ATP6V1B2: variants seen among roughly 807,000 people sequenced by gnomAD.
The protein encoded by ATP6V1B2 is ATPase H+ transporting V1 subunit B2.
A neutral mutation model predicts 66.7 loss-of-function variants in ATP6V1B2; 23 were observed. That is an observed-to-expected ratio of 0.34 (90% CI 0.25 to 0.49). The LOEUF is 0.49. Ranked by LOEUF, ATP6V1B2 falls within the 20% of genes least tolerant of loss-of-function variation. The pLI is 0.99. For synonymous variants in ATP6V1B2, 278 were observed against 236.7 expected, an observed-to-expected ratio of 1.17 and a Z score of -1.60; for missense variants, 478 against 650.8, an observed-to-expected ratio of 0.73 and a Z score of 2.89.
intron 10 of ATP6V1B2, 39 bp from the exon 11 acceptor site, chr8:20,216,374 A>G (rs762798378): frequency 1.9e-6 from 3 of 1,570,554 alleles, no homozygotes; most frequent in Non-Finnish European, 2.6e-6. Context: ...TCATAACCTA[A>G]AGATGCCATG....
intron 1 of ATP6V1B2, among the ~76,000 whole-genome samples, 188 bp from the exon 2 acceptor site, chr8:20,204,296 A>G (rs1028694249): frequency 6.6e-6 from 1 of 152,234 alleles, no homozygotes; most frequent in East Asian, 1.9e-4. Flanking sequence ...GTTGGATGAC[A>G]GTGGATTATG....
intron 3 of ATP6V1B2, 32 bp from the exon 4 acceptor site, chr8:20,210,314 C>T (rs111260390): frequency 1.3e-6 from 2 of 1,564,546 alleles, no homozygotes; most frequent in East Asian, 4.5e-5. Context: ...TAAATTACTT[C>T]TACCCTTCTC....
rs2072637666 is a variant in ATP6V1B2, at chr8:20,197,397, A to G, written c.-10A>G. The G allele has an allele frequency of 2.0e-6, 3 of 1,531,412 alleles. No individual in the cohort carries two copies. Among genetic ancestry groups the G allele is most frequent in the East Asian group, 2.7e-5 (1 of 36,794 alleles). 94.9% of individuals were successfully genotyped at this position (1,531,412 alleles called of 1,614,324 possible). A position where few individuals can be genotyped will look rare whatever the true frequency, so the allele number is the denominator to read the frequency against. Reference sequence around the variant, plus strand: ...GTCGCTGCTGGGCCAGTCGGGACAGAGGAGACAAGATGGCGCTGCGGGCGA... The same window carrying G: ...GTCGCTGCTGGGCCAGTCGGGACAGGGGAGACAAGATGGCGCTGCGGGCGA... On this transcript the variant is annotated 5_prime_UTR_variant, in exon 1 of 14. Coordinates refer to ENST00000276390, the MANE Select transcript of ATP6V1B2 (RefSeq NM_001693.4).
chr8:20,202,256 A>T (rs1156313776), intron 1 of ATP6V1B2, among the ~76,000 whole-genome samples: 2 of 152,192 alleles, frequency 1.3e-5, no homozygotes, highest in Non-Finnish European at 2.9e-5. Flanking sequence ...TAGTAGAGTC[A>T]AAGAATAAGT....
intron 2 of ATP6V1B2, 65 bp from the exon 3 acceptor site, chr8:20,209,368 C>T: frequency 1.4e-6 from 2 of 1,450,702 alleles, no homozygotes; most frequent in Non-Finnish European, 1.9e-6. Flanking sequence ...AGAGACAGAG[C>T]ATGTGTAGTA....
Position 20,210,660 on chromosome 8 carries a change from A to C in ATP6V1B2, c.463+14A>C. The C allele has an allele frequency of 6.2e-7, 1 of 1,604,656 alleles. No homozygotes were observed. On this transcript the variant is annotated intron_variant, in intron 5 of 13. Coordinates refer to ENST00000276390, the MANE Select transcript of ATP6V1B2 (RefSeq NM_001693.4). ...TTGATATCATGGGTAGGTACAGTAGATGGATTGCTGTGTTTGGGAGAAAAT... is the reference window on the plus strand; with the variant it reads ...TTGATATCATGGGTAGGTACAGTAGCTGGATTGCTGTGTTTGGGAGAAAAT...
rs2072891720 is a variant in ATP6V1B2, at chr8:20,219,940, A to G, written c.1397-323A>G. Among the ~76,000 whole-genome samples, 3 of 152,122 alleles carry G rather than the reference A, an allele frequency of 2.0e-5. No homozygotes were observed. The East Asian group carries it at 5.8e-4, about 29-fold the overall frequency. ...CTGTGCTAGGGAGACTTTTCTTACTAATCTCTGGACAAAACATTGATTCTA... is the reference window on the plus strand; with the variant it reads ...CTGTGCTAGGGAGACTTTTCTTACTGATCTCTGGACAAAACATTGATTCTA... On this transcript the variant is annotated intron_variant, in intron 13 of 13. Transcript: ENST00000276390.
intron 1 of ATP6V1B2, 33 bp from the exon 2 acceptor site, chr8:20,204,451 G>C (rs751941103): frequency 2.5e-6 from 4 of 1,588,376 alleles, no homozygotes; most frequent in Non-Finnish European, 3.5e-6. Flanking sequence ...TGTGCTATTT[G>C]ACTAAAACTG....
chr8:20,218,635 C>A (rs375047530), intron 13 of ATP6V1B2, among the ~76,000 whole-genome samples: 1 of 152,174 alleles, frequency 6.6e-6, no homozygotes, highest in African/African-American at 2.4e-5. Flanking sequence ...TTGGGACTTT[C>A]CTGATTCATC....
chr8:20,210,647 G>T lies in ATP6V1B2; in HGVS notation c.463+1G>T, dbSNP rs1456546383. 1 of 1,610,474 alleles carries T rather than the reference G, an allele frequency of 6.2e-7. No homozygotes were observed. Among genetic ancestry groups the T allele is most frequent in the Non-Finnish European group, 8.5e-7 (1 of 1,176,744 alleles). On this transcript the variant is annotated splice_donor_variant, in intron 5 of 13. Transcript: ENST00000276390. LOFTEE classifies it high-confidence loss of function. ...GCCGAAGACTTCCTTGATATCATGG[G>T]TAGGTACAGTAGATGGATTGCTGTG...
Position 20,212,123 on chromosome 8 carries a change from T to C in ATP6V1B2, c.727T>C (p.Phe243Leu). The change falls in exon 8 of 14, where the codon TTC becomes CTC. Residue 243 changes from phenylalanine (F) to leucine (L), a missense_variant. Phe to Leu is a conservative substitution (Grantham distance 22, BLOSUM62 0). Around this residue, in one of 2 missense-constraint regions of ATP6V1B2, gnomAD observed 326 missense variants for 545.6 expected, o/e 0.60. Transcript: ENST00000276390. ...AMGVNMETARFFKSDFEENGS... is the reference protein window; with the variant it reads ...AMGVNMETARLFKSDFEENGS... ...TTAGGTAAACATGGAAACTGCCCGG[T>C]TCTTCAAATCTGACTTTGAAGAAAA... 1 of 1,613,598 alleles carries C rather than the reference T, an allele frequency of 6.2e-7. No homozygotes were observed. Among genetic ancestry groups the C allele is most frequent in the South Asian group, 1.1e-5 (1 of 91,072 alleles).
chr8:20,208,669 C>T (rs960883954), intron 2 of ATP6V1B2, among the ~76,000 whole-genome samples: 4 of 150,606 alleles, frequency 2.7e-5, no homozygotes, highest in African/African-American at 9.8e-5. Context: ...GAGACTTAAG[C>T]ATTATCTTAT....
chr8:20,213,707 A>G (rs1489876568), intron 9 of ATP6V1B2: 2 of 152,172 alleles, frequency 1.3e-5, no homozygotes, highest in African/African-American at 2.4e-5. Flanking sequence ...GTTCAGTAAT[A>G]CAAATTACTG....
chr8:20,209,107 A>G (rs11778205), intron 2 of ATP6V1B2, among the ~76,000 whole-genome samples: 61,099 of 152,002 alleles, frequency 0.4, 13,409 homozygotes, highest in African/African-American at 0.58. Context: ...CTAGGTGGTG[A>G]GAACATGTTT....
At chr8:20,211,945 C>A (rs1180567683) in intron 7 of ATP6V1B2, among the ~76,000 whole-genome samples, 157 bp from the exon 8 acceptor site, 1 of 152,062 alleles carries the variant, frequency 6.6e-6, no homozygotes, top group Non-Finnish European at 1.5e-5. Flanking sequence ...TGTTTGTGCC[C>A]CAAACCGGCT....
chr8:20,208,807 A>G lies in ATP6V1B2; in HGVS notation c.193-626A>G, dbSNP rs565418209. ...ACTGCAACCTCCGTCTCCCCGGCTCAAGCAGTTCTGCCCCAGACTCCTGAG... is the reference window on the plus strand; with the variant it reads ...ACTGCAACCTCCGTCTCCCCGGCTCGAGCAGTTCTGCCCCAGACTCCTGAG... On this transcript the variant is annotated intron_variant, in intron 2 of 13. Transcript: ENST00000276390. Among the ~76,000 whole-genome samples the G allele has an allele frequency of 2.1e-4, 32 of 151,196 alleles. No homozygotes were observed. The East Asian group carries it at 6.0e-3, about 29-fold the overall frequency.
At chr8:20,199,571 A>C (rs7819232) in intron 1 of ATP6V1B2, among the ~76,000 whole-genome samples, 42,467 of 149,044 alleles carry the variant, frequency 0.28, 6,240 homozygotes, top group Middle Eastern at 0.33. Context: ...ATTGCTTCTG[A>C]GTAAATATTG....
intron 1 of ATP6V1B2, among the ~76,000 whole-genome samples, chr8:20,199,278 A>G (rs1045379989): frequency 1.1e-4 from 17 of 152,170 alleles, no homozygotes; most frequent in Admixed American, 4.6e-4. Flanking sequence ...GATGTCAGGG[A>G]TCCTTTTTAT....
rs760933835 is a variant in ATP6V1B2, at chr8:20,211,271, G to A, written c.558G>A (p.Gly186=). Residue 186 remains glycine, a synonymous_variant, in exon 6 of 14, where the codon GGG becomes GGA. Coordinates refer to ENST00000276390, the MANE Select transcript of ATP6V1B2 (RefSeq NM_001693.4). ...AIDGMNSIAR[G]QKIPIFSAAG... is the part of the protein sequence containing the mutation. ...ATGGGATGAACAGTATTGCTAGGGG[G>A]CAGAAAATTCCTATCTTCTCTGCTG... 8.7e-6 allele frequency: 14 copies of A among 1,613,022 alleles called. No individual in the cohort carries two copies. In the East Asian group the frequency reaches 2.0e-4, roughly 23 times the overall value.
Sources: allele counts gnomAD v4.1 joint callset (sites outside exome capture counted in the v4.1 genomes callset), GRCh38; gene constraint gnomAD v4.1.1; regional missense constraint gnomAD v4.1.1; transcripts MANE v1.5; gene names NCBI Gene and HGNC (gene_info 2026-07-23, HGNC 2026-07-21).